The following OR3A2 variants were observed in gnomAD, a reference collection of about 807,000 sequenced individuals.
The protein encoded by OR3A2 is olfactory receptor family 3 subfamily A member 2, also known as olfactory receptor 3A2.
For missense variants in OR3A2, 318 were observed against 392.8 expected, an observed-to-expected ratio of 0.81 and a Z score of 1.61; for synonymous variants, 126 against 159.3, an observed-to-expected ratio of 0.79 and a Z score of 1.57.
intron 2 of OR3A2, among the ~76,000 whole-genome samples, chr17:3,345,805 T>C (rs529687953): frequency 5.9e-5 from 9 of 152,244 alleles, no homozygotes; most frequent in African/African-American, 2.2e-4. Context: ...GTAATATTTT[T>C]TAAAATTTTT....
chr17:3,366,552 A>G (rs1030903932), intron 2 of OR3A2, among the ~76,000 whole-genome samples: 2 of 152,118 alleles, frequency 1.3e-5, no homozygotes, highest in Non-Finnish European at 1.5e-5. Context: ...ACTGGGCAAC[A>G]GCAACAGAAA....
At chr17:3,288,250 A>AG (rs766043796), upstream of OR3A2, among the ~76,000 whole-genome samples, 61 of 96,676 alleles carry the variant, frequency 6.3e-4, no homozygotes, top group African/African-American at 3.2e-3. Flanking sequence ...AAAGGGCAAA[A>AG]AAAAAAAAAA....
intron 3 of OR3A2, among the ~76,000 whole-genome samples, chr17:3,332,541 G>A (rs1597345233): frequency 6.6e-6 from 1 of 152,218 alleles, no homozygotes; most frequent in Non-Finnish European, 1.5e-5. Context: ...GTGAGGCAAT[G>A]CCTCGCCCTG....
intron 2 of OR3A2, among the ~76,000 whole-genome samples, chr17:3,371,485 T>C (rs1209722908): frequency 9.3e-6 from 1 of 107,638 alleles, no homozygotes; most frequent in Non-Finnish European, 1.9e-5. Flanking sequence ...TCCCCCCACC[T>C]CCCTCCCGGA....
chr17:3,277,707 G>GT, exon 2 of OR3A2: 1 of 410,528 alleles, frequency 2.4e-6, no homozygotes, highest in Non-Finnish European at 4.3e-6. Context: ...TTTATAGCAT[G>GT]TGAGTTGCAT....
chr17:3,295,523 A>T lies in OR3A2; in HGVS notation c.-84-16370T>A, dbSNP rs539665755. ...AAACAAAGACAAATGTAGCCCTTAC[A>T]GTGAAAGGCTATTTCAAAACAATAA... On this transcript the variant is annotated intron_variant, in intron 3 of 4. Transcript: ENST00000573491. Among the ~76,000 whole-genome samples, 262 of 152,256 alleles carry T rather than the reference A, an allele frequency of 1.7e-3. 2 individuals carry two copies. Among genetic ancestry groups the T allele is most frequent in the African/African-American group, 5.7e-3 (238 of 41,574 alleles).
rs761970734 is a variant in OR3A2, at chr17:3,292,251, A to G, written c.-84-13098T>C. ...GGTCAGCAGGAAGCAGTCCACTCCA[A>G]CGAACAGATGGAAGAAGAAGAGCTG... is the stretch of plus-strand genomic sequence containing the variant. On this transcript the variant is annotated intron_variant, in intron 3 of 4. Coordinates refer to the OR3A2 transcript ENST00000573491. 2.3e-5 allele frequency: 37 copies of G among 1,614,156 alleles called. No homozygotes were observed. In the Admixed American group the frequency reaches 4.3e-4, roughly 19 times the overall value.
At chr17:3,328,816 C>T (rs1421599259) in intron 3 of OR3A2, among the ~76,000 whole-genome samples, 1 of 142,152 alleles carries the variant, frequency 7.0e-6, no homozygotes, top group Non-Finnish European at 1.5e-5. Flanking sequence ...TTGAGATAAT[C>T]ATGTGGTTTT....
rs186143580 is a variant in OR3A2 at position 3,310,022 on chromosome 17, C to T, written c.-85+26011G>A. 81 of 208,954 alleles carry T rather than the reference C, an allele frequency of 3.9e-4. No homozygotes were observed. In the East Asian group the frequency reaches 8.6e-3, roughly 22 times the overall value. The allele number at this position is 208,954 out of a possible 1,614,324, so 12.9% of individuals were successfully genotyped here. On this transcript the variant is annotated intron_variant, in intron 3 of 4. Transcript: ENST00000573491. ...TCAGGAAAATAATTTTTCCCTTTAC[C>T]TTTCTAATGTAACATTTGTTCCCCT...
intron 3 of OR3A2, chr17:3,292,586 T>C: frequency 6.3e-7 from 1 of 1,592,922 alleles, no homozygotes. Flanking sequence ...GCTGCATGAG[T>C]TCCTGCAAAG....
chr17:3,358,008 T>G (rs1567566701), intron 2 of OR3A2, among the ~76,000 whole-genome samples: 1 of 151,660 alleles, frequency 6.6e-6, no homozygotes. Context: ...GCCTCTGGAC[T>G]TGGAGCCAAT....
At chr17:3,280,735 T>C (rs1192775002) in intron 1 of OR3A2, among the ~76,000 whole-genome samples, 1 of 152,222 alleles carries the variant, frequency 6.6e-6, no homozygotes, top group Non-Finnish European at 1.5e-5. Flanking sequence ...CAGTGATGAT[T>C]GCCTGAGCTG....
In OR3A2 at chr17:3,311,081, G is replaced by A. The variant is rs558430652; in HGVS notation, c.-85+24952C>T. 1.3e-4 allele frequency: 72 copies of A among 544,272 alleles called. 2 individuals are homozygous for A. The highest frequency in any genetic ancestry group is 8.0e-4 in the South Asian group (58 of 72,492). The allele number at this position is 544,272 out of a possible 1,614,324, so 33.7% of individuals were successfully genotyped here. A position where few individuals can be genotyped will look rare whatever the true frequency, so the allele number is the denominator to read the frequency against. On this transcript the variant is annotated intron_variant, in intron 3 of 4. Coordinates refer to the OR3A2 transcript ENST00000573491. This position sits in a 1 kb window ranked among gnomAD's most constrained non-coding sequence, Gnocchi z 4.6. The stretch of plus-strand genomic sequence containing the variant: ...CTGTGGTGGGCATCTTCTATGGGAC[G>A]GGCGTCTTCAGCTACACAAGGCTGG...
chr17:3,370,057 C>T (rs1234449039), intron 2 of OR3A2, among the ~76,000 whole-genome samples: 1 of 152,146 alleles, frequency 6.6e-6, no homozygotes, highest in African/African-American at 2.4e-5. Flanking sequence ...CCCATCTTGG[C>T]CTCCCAAAGT....
intron 2 of OR3A2, among the ~76,000 whole-genome samples, chr17:3,378,925 C>T (rs368348245): frequency 2.6e-5 from 4 of 152,210 alleles, no homozygotes; most frequent in African/African-American, 2.4e-5. Context: ...AACTTTATAC[C>T]CTCAAACATG....
intron 1 of OR3A2, among the ~76,000 whole-genome samples, chr17:3,384,802 C>T (rs1208373953): frequency 2.0e-5 from 3 of 152,058 alleles, no homozygotes; most frequent in Non-Finnish European, 2.9e-5. Flanking sequence ...TTGTTGATGG[C>T]TGCTTTTGCA....
intron 2 of OR3A2, among the ~76,000 whole-genome samples, chr17:3,372,717 G>A (rs1288993133): frequency 4.0e-5 from 6 of 151,222 alleles, no homozygotes; most frequent in South Asian, 4.2e-4. Context: ...GCAGGCACTC[G>A]GCAGGCTGAG....
chr17:3,298,566 G>A (rs536834358), intron 3 of OR3A2, among the ~76,000 whole-genome samples: 1 of 152,316 alleles, frequency 6.6e-6, no homozygotes, highest in Non-Finnish European at 1.5e-5. Context: ...GCATGGGAGA[G>A]TCCCAGATCT....
exon 2 of OR3A2, chr17:3,277,529 C>T (rs139785623): frequency 6.2e-6 from 1 of 160,294 alleles, no homozygotes. Context: ...GCCAGGCACA[C>T]AGAACTACAA....
Sources: gnomAD v4.1 joint callset for allele counts (sites outside exome capture counted in the v4.1 genomes callset) on GRCh38, gnomAD v4.1.1 for gene constraint, Gnocchi (gnomAD v3.1) non-coding constraint, MANE v1.5 for transcripts, NCBI Gene and HGNC (gene_info 2026-07-23, HGNC 2026-07-21) for gene names.